The following PLXNA2 variants were observed in gnomAD, a reference collection of about 807,000 sequenced individuals.
PLXNA2 encodes the protein plexin A2.
PLXNA2 carries 91 observed loss-of-function variants against 193.5 expected under a neutral mutation model. The observed-to-expected ratio is 0.47, with a 90% confidence interval of 0.40 to 0.56. PLXNA2 has a LOEUF of 0.56. PLXNA2 is among the 20% of genes least tolerant of loss of function. The probability of loss-of-function intolerance (pLI) is 0.00; values close to 1 mark genes in which losing one functional copy is unlikely to be tolerated. For missense variants in PLXNA2, 1,995 were observed against 2,503.2 expected (o/e 0.80, Z 4.33); for synonymous variants, 997 against 1,027.3 (o/e 0.97, Z 0.56).
chr1:208,158,378 C>T (rs566378550), intron 3 of PLXNA2, among the ~76,000 whole-genome samples: 42 of 152,220 alleles, frequency 2.8e-4, no homozygotes, highest in African/African-American at 8.4e-4. Context: ...TGTCTGTCTC[C>T]TCTCTCATAC....
intron 4 of PLXNA2, among the ~76,000 whole-genome samples, chr1:208,106,140 GA>G (rs543672199): frequency 5.9e-5 from 9 of 151,748 alleles, no homozygotes; most frequent in Admixed American, 2.0e-4. Context: ...GGCAGGGGTG[GA>G]GGGGGGGTGG....
rs148452011 is a variant in PLXNA2 at position 208,038,505 on chromosome 1, G to A, written c.4661-31C>T. 20,598 of 1,535,400 alleles carry A rather than the reference G, an allele frequency of 0.013. 321 individuals are homozygous for A. Among genetic ancestry groups the A allele is most frequent in the Middle Eastern group, 0.063 (364 of 5,794 alleles). ...TGGAGGGGGTGGTGCAGGGAGCGGC[G>A]TGAGAGGGATGAGGGCTGTGAGCCA... On this transcript the variant is annotated intron_variant, in intron 25 of 31. Transcript: ENST00000367033. The surrounding 1 kb of genome is among the most constrained non-coding windows in gnomAD (Gnocchi z 4.1).
chr1:208,197,320 T>G (rs1670391150), intron 3 of PLXNA2, among the ~76,000 whole-genome samples: 1 of 152,234 alleles, frequency 6.6e-6, no homozygotes, highest in African/African-American at 2.4e-5. Context: ...GGAAAAGGGT[T>G]AGATAACCCT....
intron 2 of PLXNA2, among the ~76,000 whole-genome samples, chr1:208,213,348 A>T (rs1671023584): frequency 1.3e-5 from 2 of 152,200 alleles, no homozygotes; most frequent in African/African-American, 4.8e-5. Flanking sequence ...CAATAGAGAG[A>T]GACTGGACTA....
At chr1:208,069,679 A>G (rs1214895053) in intron 12 of PLXNA2, among the ~76,000 whole-genome samples, 1 of 152,114 alleles carries the variant, frequency 6.6e-6, no homozygotes, top group Non-Finnish European at 1.5e-5. Context: ...ACTTCAGAGT[A>G]GGGGCTTATC....
chr1:208,176,770 G>T lies in PLXNA2; in HGVS notation c.1371+33510C>A, dbSNP rs572645665. ...CTCACTTGCTCCAAAGACCTTAAAG[G>T]GTTTCCCCTTGATAACCAAAGTCCA... is the stretch of plus-strand genomic sequence containing the variant. On this transcript the variant is annotated intron_variant, in intron 3 of 31. Coordinates refer to ENST00000367033, the MANE Select transcript of PLXNA2 (RefSeq NM_025179.4). Among the ~76,000 whole-genome samples, 4 of 152,172 alleles carry T rather than the reference G, an allele frequency of 2.6e-5. No individual in the cohort carries two copies. The East Asian group carries it at 5.8e-4, about 22-fold the overall frequency.
chr1:208,120,559 T>A (rs1199137497), intron 4 of PLXNA2, among the ~76,000 whole-genome samples: 2 of 152,200 alleles, frequency 1.3e-5, no homozygotes, highest in Non-Finnish European at 1.5e-5. Flanking sequence ...GGTACTTTGG[T>A]GCAATTTGAA....
At position 208,079,336 on chromosome 1, in the gene PLXNA2, T is replaced by C. The variant is rs41309627; in HGVS notation, c.2510A>G (p.His837Arg). The C allele has an allele frequency of 5.7e-3, 9,127 of 1,613,894 alleles. 33 individuals carry two copies. Among genetic ancestry groups the C allele is most frequent in the Non-Finnish European group, 6.9e-3 (8,094 of 1,179,838 alleles). ...SGERRCTLHQ[H>R]CTSPSSPWLD... ...CCAGGGGCTGGAAGGGCTGGTACAG[T>C]GCTGGTGGAGGGTGCACCTGCGCTC... The change falls in exon 12 of 32, where the codon CAC becomes CGC. Residue 837 changes from histidine (H) to arginine (R), a missense_variant. This residue lies in a region of PLXNA2 where 1,291 missense variants were observed against 1,673.6 expected (regional missense o/e 0.77). Transcript: ENST00000367033.
chr1:208,228,872 A>G (rs1558256338), intron 1 of PLXNA2, among the ~76,000 whole-genome samples: 1 of 152,102 alleles, frequency 6.6e-6, no homozygotes, highest in Admixed American at 6.5e-5. Context: ...CTCCATCTCC[A>G]ATCTCCTTTC....
At chr1:208,113,005 C>CCAA (rs761668628) in intron 4 of PLXNA2, among the ~76,000 whole-genome samples, 1 of 114,656 alleles carries the variant, frequency 8.7e-6, no homozygotes, top group African/African-American at 3.5e-5. Context: ...GAAGGACCTA[C>CCAA]AAAAAAAAAA....
chr1:208,203,979 G>A (rs547112966), intron 3 of PLXNA2, among the ~76,000 whole-genome samples: 72 of 152,290 alleles, frequency 4.7e-4, no homozygotes, highest in Middle Eastern at 6.8e-3. Flanking sequence ...AGTTTTCCTG[G>A]CTTTGCTTAG....
chr1:208,096,599 A>G, intron 7 of PLXNA2, 131 bp downstream of exon 7: 1 of 1,083,284 alleles, frequency 9.2e-7, no homozygotes, highest in Non-Finnish European at 1.3e-6. Flanking sequence ...TTGCTTTCAA[A>G]CGTAAACAAG....
At chr1:208,043,277 T>C in intron 20 of PLXNA2, 74 bp from the exon 21 acceptor site, 2 of 1,490,788 alleles carry the variant, frequency 1.3e-6, no homozygotes, top group Admixed American at 3.5e-5. Context: ...AGAAGAAGTT[T>C]GCAAAGGACG....
intron 8 of PLXNA2, among the ~76,000 whole-genome samples, chr1:208,095,529 C>A (rs1214174841): frequency 6.6e-6 from 1 of 152,198 alleles, no homozygotes; most frequent in Admixed American, 6.5e-5. Flanking sequence ...CTCTGCTCCA[C>A]CTCCCCATCC....
At chr1:208,201,476 T>C (rs555985500) in intron 3 of PLXNA2, among the ~76,000 whole-genome samples, 1 of 152,282 alleles carries the variant, frequency 6.6e-6, no homozygotes, top group South Asian at 2.1e-4. Context: ...GTCTTCTAAG[T>C]ATTTTTTTCC....
rs1379759320 is a variant in PLXNA2, at chr1:208,027,145, C to G, written c.*98G>C. ...GGATGGGGTCTCAGGGGACAGCAAG[C>G]TCTGGGGCCTGATCCCCATCACTTG... On this transcript the variant is annotated 3_prime_UTR_variant, in exon 32 of 32. Coordinates refer to ENST00000367033, the MANE Select transcript of PLXNA2 (RefSeq NM_025179.4). 3.6e-6 allele frequency: 4 copies of G among 1,116,976 alleles called. No homozygotes were observed. Among genetic ancestry groups the G allele is most frequent in the Non-Finnish European group, 5.3e-6 (4 of 749,406 alleles). The allele number at this position is 1,116,976 out of a possible 1,614,324, so 69.2% of individuals were successfully genotyped here.
Position 208,201,880 on chromosome 1 carries a change from A to C in PLXNA2, c.1371+8400T>G, listed in dbSNP as rs1398805464. On this transcript the variant is annotated intron_variant, in intron 3 of 31. Transcript: ENST00000367033. Reference sequence around the variant, plus strand: ...TTTCTTTATGATCTATTTTTTCCTTAGCACTTATCACCCACTAAACATAAT... The same window carrying C: ...TTTCTTTATGATCTATTTTTTCCTTCGCACTTATCACCCACTAAACATAAT... Among the ~76,000 whole-genome samples, 4 of 152,052 alleles carry C rather than the reference A, an allele frequency of 2.6e-5. No homozygotes were observed. The East Asian group carries it at 7.7e-4, about 29-fold the overall frequency.
At chr1:208,122,380 G>T (rs1200671116) in intron 4 of PLXNA2, among the ~76,000 whole-genome samples, 1 of 152,178 alleles carries the variant, frequency 6.6e-6, no homozygotes, top group Non-Finnish European at 1.5e-5. Flanking sequence ...CCTCTGATTT[G>T]CTGGGTTTTC....
At chr1:208,031,895 G>A in intron 28 of PLXNA2, 136 bp from the exon 29 acceptor site, 1 of 1,265,394 alleles carries the variant, frequency 7.9e-7, no homozygotes, top group Non-Finnish European at 1.1e-6. Flanking sequence ...AGTGTTGCGG[G>A]GTGGGGAAGG....
Sources: gnomAD v4.1 joint callset for allele counts (sites outside exome capture counted in the v4.1 genomes callset) on GRCh38, gnomAD v4.1.1 for gene constraint, gnomAD v4.1.1 regional missense constraint, Gnocchi (gnomAD v3.1) non-coding constraint, MANE v1.5 for transcripts, NCBI Gene and HGNC (gene_info 2026-07-23, HGNC 2026-07-21) for gene names.